Variants in ST8SIA6 observed in about 807,000 individuals in gnomAD.
ST8SIA6 encodes ST8 alpha-N-acetyl-neuraminide alpha-2,8-sialyltransferase 6.
In ST8SIA6, 39 loss-of-function variants were observed where a neutral mutation model predicts 33.6. The ratio of observed to expected loss-of-function variants is 1.16; its 90% CI spans 0.90 to 1.52. The LOEUF (loss-of-function observed/expected upper bound fraction) is 1.52. Among genes scored for constraint, ST8SIA6 ranks in the 40% most tolerant of loss-of-function variants. ST8SIA6 has a pLI of 0.00. For synonymous variants in ST8SIA6, 172 were observed against 167.2 expected, an observed-to-expected ratio of 1.03 and a Z score of -0.22; for missense variants, 441 against 443.8, an observed-to-expected ratio of 0.99 and a Z score of 0.06.
chr10:17,331,364 C>G (rs779170325), intron 5 of ST8SIA6, 44 bp downstream of exon 5: 1 of 1,559,554 alleles, frequency 6.4e-7, no homozygotes, highest in Admixed American at 2.0e-5. Context: ...AGAAAATTCA[C>G]CTGGAATGGT....
At chr10:17,359,406 A>T in intron 4 of ST8SIA6, 108 bp downstream of exon 4, 1 of 763,840 alleles carries the variant, frequency 1.3e-6, no homozygotes, top group Non-Finnish European at 2.1e-6. Flanking sequence ...CCTCATTGCC[A>T]GCTGGGGTTG....
intron 5 of ST8SIA6, among the ~76,000 whole-genome samples, chr10:17,328,597 G>C (rs1482197533): frequency 1.3e-5 from 2 of 152,162 alleles, no homozygotes; most frequent in African/African-American, 4.8e-5. Flanking sequence ...AAGTCCTCAA[G>C]AGCAGAGAGG....
chr10:17,444,286 A>G (rs905987406), intron 2 of ST8SIA6, among the ~76,000 whole-genome samples: 1 of 152,216 alleles, frequency 6.6e-6, no homozygotes, highest in Non-Finnish European at 1.5e-5. Flanking sequence ...CTTTGCTTTG[A>G]CATATGTGTG....
At chr10:17,419,453 G>T (rs114315797) in intron 2 of ST8SIA6, among the ~76,000 whole-genome samples, 2 of 151,976 alleles carry the variant, frequency 1.3e-5, no homozygotes, top group Non-Finnish European at 2.9e-5. Flanking sequence ...GATGGCTTGA[G>T]GGGGAGGATG....
chr10:17,379,753 A>C (rs1235304238), intron 3 of ST8SIA6, among the ~76,000 whole-genome samples: 1 of 152,112 alleles, frequency 6.6e-6, no homozygotes, highest in Non-Finnish European at 1.5e-5. Flanking sequence ...TATAAAACCA[A>C]GCTATGCCCG....
intron 3 of ST8SIA6, among the ~76,000 whole-genome samples, chr10:17,381,132 G>T (rs1850138164): frequency 6.6e-6 from 1 of 152,172 alleles, no homozygotes; most frequent in Non-Finnish European, 1.5e-5. Context: ...GGTTTTTAAG[G>T]AAGAGTGTAG....
intron 3 of ST8SIA6, among the ~76,000 whole-genome samples, chr10:17,367,846 A>G (rs10795480): frequency 0.2 from 31,037 of 152,060 alleles, 3,508 homozygotes; most frequent in East Asian, 0.51. Flanking sequence ...AAGCATGCAT[A>G]AAACACCTGC....
At chr10:17,428,509 A>G (rs994085386) in intron 2 of ST8SIA6, among the ~76,000 whole-genome samples, 1 of 152,152 alleles carries the variant, frequency 6.6e-6, no homozygotes, top group Non-Finnish European at 1.5e-5. Flanking sequence ...CACTGGCGTC[A>G]TACTGACCTA....
At position 17,374,719 on chromosome 10, in the gene ST8SIA6, T is replaced by C. The variant is rs917007421; in HGVS notation, c.291-15119A>G. 2.6e-5 allele frequency among the ~76,000 whole-genome samples: 3 copies of C among 115,986 alleles called. No homozygotes were observed. In the South Asian group the frequency reaches 1.0e-3, roughly 39 times the overall value. 76.1% of individuals were successfully genotyped at this position (115,986 alleles called of 152,430 possible). A position where few individuals can be genotyped will look rare whatever the true frequency, so the allele number is the denominator to read the frequency against. On this transcript the variant is annotated intron_variant, in intron 3 of 7. Transcript: ENST00000377602. The stretch of plus-strand genomic sequence containing the variant: ...ACAGAATGAGGCTCTGTCTCAAAAA[T>C]AAATAAATAAATAAATAAATAAATA...
chr10:17,398,042 C>T (rs775334337), intron 2 of ST8SIA6, among the ~76,000 whole-genome samples: 4 of 152,036 alleles, frequency 2.6e-5, no homozygotes, highest in African/African-American at 9.7e-5. Context: ...AATTAAGACT[C>T]TGGGCTGGGC....
chr10:17,358,573 GA>G lies in ST8SIA6; in HGVS notation c.377+940del, dbSNP rs374762523. 2.9e-3 allele frequency among the ~76,000 whole-genome samples: 442 copies of G among 151,540 alleles called. 3 individuals are homozygous for G. The highest frequency in any genetic ancestry group is 0.01 in the African/African-American group (430 of 41,162). On this transcript the variant is annotated intron_variant, in intron 4 of 7. Transcript: ENST00000377602. ...ATGTACAGGAAAAAATCAGAATGTG[GA>G]AAAGGAGGAGGAAGAGGAAGAAGGA...
intron 2 of ST8SIA6, chr10:17,407,986 G>A (rs1851329249): frequency 6.6e-6 from 1 of 152,554 alleles, no homozygotes. Flanking sequence ...CATAATAAAG[G>A]AAATAATGGA....
At chr10:17,326,034 G>A (rs1390591604) in intron 6 of ST8SIA6, among the ~76,000 whole-genome samples, 3 of 152,142 alleles carry the variant, frequency 2.0e-5, no homozygotes, top group Non-Finnish European at 4.4e-5. Context: ...AACAAAATGT[G>A]TAAACCATTC....
intron 5 of ST8SIA6, among the ~76,000 whole-genome samples, chr10:17,327,731 ACT>A (rs1197402433): frequency 2.0e-5 from 3 of 152,038 alleles, no homozygotes; most frequent in Non-Finnish European, 4.4e-5. Context: ...ACAAAGCAAG[ACT>A]CTGTCTCTAC....
At position 17,317,775 on chromosome 10, in the gene ST8SIA6, A is replaced by G. The variant is rs1456364742; in HGVS notation, c.*3103T>C. Among the ~76,000 whole-genome samples the G allele has an allele frequency of 6.6e-6, 1 of 152,196 alleles. No homozygotes were observed. Among genetic ancestry groups the G allele is most frequent in the Non-Finnish European group, 1.5e-5 (1 of 68,028 alleles). On this transcript the variant is annotated 3_prime_UTR_variant, in exon 8 of 8. Transcript: ENST00000377602. Reference sequence around the variant, plus strand: ...GATTTGCTGCTTAATTCTGTATTCTACAGAGAGTCCTCAAAAAAAGACTTT... The same window carrying G: ...GATTTGCTGCTTAATTCTGTATTCTGCAGAGAGTCCTCAAAAAAAGACTTT...
chr10:17,382,029 G>A (rs549226263), intron 3 of ST8SIA6, among the ~76,000 whole-genome samples: 2 of 152,076 alleles, frequency 1.3e-5, no homozygotes, highest in Non-Finnish European at 2.9e-5. Context: ...ATTTTTTCAC[G>A]GTCTCAGTTA....
chr10:17,373,261 C>T (rs926878555), intron 3 of ST8SIA6, among the ~76,000 whole-genome samples: 1 of 152,142 alleles, frequency 6.6e-6, no homozygotes, highest in African/African-American at 2.4e-5. Flanking sequence ...GTCTTTGTGT[C>T]CTATAGTTCA....
At chr10:17,431,501 G>A (rs1019935744) in intron 2 of ST8SIA6, among the ~76,000 whole-genome samples, 6 of 152,092 alleles carry the variant, frequency 3.9e-5, no homozygotes, top group Non-Finnish European at 7.4e-5. Flanking sequence ...TTGGATTTCT[G>A]AAAAATATAG....
intron 3 of ST8SIA6, among the ~76,000 whole-genome samples, chr10:17,379,326 A>C (rs1241860823): frequency 6.6e-6 from 1 of 151,776 alleles, no homozygotes; most frequent in African/African-American, 2.4e-5. Flanking sequence ...TAAGAATGAG[A>C]AAAGGAGAGG....
Sources: allele counts gnomAD v4.1 joint callset (sites outside exome capture counted in the v4.1 genomes callset), GRCh38; gene constraint gnomAD v4.1.1; transcripts MANE v1.5; gene names NCBI Gene and HGNC (gene_info 2026-07-23, HGNC 2026-07-21).